Variants in ASPRV1 observed in about 807,000 individuals in gnomAD.
ASPRV1 encodes aspartic peptidase retroviral like 1, also known as retroviral-like aspartic protease 1.
ASPRV1 carries 7 observed loss-of-function variants against 11.0 expected under a neutral mutation model. The observed-to-expected ratio is 0.64, with a 90% CI of 0.36 to 1.20. The LOEUF is 1.20. Ranked by LOEUF, ASPRV1 falls within the 50% of genes most tolerant of loss-of-function variation. The pLI is 0.02. For missense variants in ASPRV1, 299 were observed against 320.0 expected (o/e 0.93, Z 0.50); for synonymous variants, 136 against 138.4 (o/e 0.98, Z 0.12).
chr2:69,954,433 C>T, the ASPRV1 span, among the ~76,000 whole-genome samples: 3 of 152,194 alleles, frequency 2.0e-5, no homozygotes, highest in Non-Finnish European at 4.4e-5. Flanking sequence ...GATACATTTG[C>T]ATCGCAGAGG....
the ASPRV1 span, among the ~76,000 whole-genome samples, chr2:69,946,699 T>C: frequency 6.6e-6 from 1 of 152,158 alleles, no homozygotes; most frequent in South Asian, 2.1e-4. Context: ...AGTGTTCAAA[T>C]ATGTCATTCT....
the ASPRV1 span, among the ~76,000 whole-genome samples, chr2:69,981,839 G>A: frequency 1.2e-4 from 18 of 152,162 alleles, no homozygotes; most frequent in Non-Finnish European, 1.8e-4. Context: ...GATTATAGGC[G>A]TGAGCCACCA....
At chr2:70,052,806 G>A in the ASPRV1 span, among the ~76,000 whole-genome samples, 1 of 152,120 alleles carries the variant, frequency 6.6e-6, no homozygotes, top group Non-Finnish European at 1.5e-5. Flanking sequence ...CACACCTGCA[G>A]GATTTGAAGC....
chr2:70,086,183 G>A, the ASPRV1 span: 2 of 152,118 alleles, frequency 1.3e-5, no homozygotes, highest in Admixed American at 6.6e-5. Flanking sequence ...GAAGGCCCCG[G>A]GGAGGAAGAG....
chr2:69,991,748 G>A, the ASPRV1 span, among the ~76,000 whole-genome samples: 1 of 152,128 alleles, frequency 6.6e-6, no homozygotes, highest in Non-Finnish European at 1.5e-5. Flanking sequence ...GTTTCACCAT[G>A]TTGGCCAGGC....
At chr2:70,034,310 T>C in the ASPRV1 span, among the ~76,000 whole-genome samples, 3 of 151,878 alleles carry the variant, frequency 2.0e-5, no homozygotes, top group Admixed American at 6.5e-5. Flanking sequence ...AAACCCTGCC[T>C]ATAATCCCAG....
At chr2:69,933,313 A>C in the ASPRV1 span, among the ~76,000 whole-genome samples, 2 of 152,148 alleles carry the variant, frequency 1.3e-5, no homozygotes, top group African/African-American at 4.8e-5. Flanking sequence ...AGTGTTTCTA[A>C]TAACATGATC....
downstream of ASPRV1, among the ~76,000 whole-genome samples, chr2:69,958,623 G>A (rs762774221): frequency 3.3e-5 from 5 of 152,214 alleles, no homozygotes; most frequent in Non-Finnish European, 5.9e-5. Context: ...ACGTGGCTGG[G>A]ATCCAAAGGA....
upstream of ASPRV1, among the ~76,000 whole-genome samples, chr2:69,963,760 GGAA>G (rs532322217): frequency 2.4e-4 from 36 of 152,278 alleles, no homozygotes; most frequent in Admixed American, 5.2e-4. Context: ...TAACAACCTG[GGAA>G]GAAGACCAGC....
chr2:70,086,321 T>G, the ASPRV1 span: 1 of 151,662 alleles, frequency 6.6e-6, no homozygotes, highest in East Asian at 1.9e-4. Flanking sequence ...GGAGGCGGAG[T>G]AGCGCCACGT....
the ASPRV1 span, among the ~76,000 whole-genome samples, chr2:69,989,453 A>G: frequency 6.6e-6 from 1 of 152,238 alleles, no homozygotes; most frequent in Admixed American, 6.5e-5. Flanking sequence ...GGGGGGCCTC[A>G]GAGTTCAGGC....
chr2:70,060,551 G>A, the ASPRV1 span, among the ~76,000 whole-genome samples: 18 of 152,126 alleles, frequency 1.2e-4, no homozygotes, highest in Admixed American at 2.6e-4. Flanking sequence ...AGTGGCTTAC[G>A]CCTGTAATCC....
the ASPRV1 span, among the ~76,000 whole-genome samples, chr2:70,044,768 CTTAT>C: frequency 6.6e-6 from 1 of 151,970 alleles, no homozygotes; most frequent in East Asian, 1.9e-4. Context: ...TGAGACACCT[CTTAT>C]TTACTCAGTA....
the ASPRV1 span, among the ~76,000 whole-genome samples, chr2:70,041,543 T>C: frequency 6.6e-5 from 10 of 152,340 alleles, no homozygotes; most frequent in African/African-American, 1.7e-4. Flanking sequence ...AGAAAATTTA[T>C]GTCATACTCA....
the ASPRV1 span, among the ~76,000 whole-genome samples, chr2:70,004,009 C>T: frequency 6.6e-6 from 1 of 152,164 alleles, no homozygotes; most frequent in African/African-American, 2.4e-5. Flanking sequence ...ATTGCCCAGT[C>T]TGTGGTATTC....
the ASPRV1 span, among the ~76,000 whole-genome samples, chr2:69,969,064 T>C: frequency 3.9e-5 from 6 of 152,216 alleles, no homozygotes; most frequent in Admixed American, 3.9e-4. Context: ...TGACCACTTG[T>C]TGCCTTCCTT....
At chr2:69,996,725 CACCATCTACGGAA>C in the ASPRV1 span, 1 of 456,556 alleles carries the variant, frequency 2.2e-6, no homozygotes, top group South Asian at 1.5e-5. Context: ...CAAAGAAAGC[CACCATCTACGGAA>C]ACCATCTACC....
At chr2:70,026,467 CA>C in the ASPRV1 span, among the ~76,000 whole-genome samples, 1 of 149,786 alleles carries the variant, frequency 6.7e-6, no homozygotes, top group Admixed American at 6.6e-5. Flanking sequence ...AAGACTCCAC[CA>C]AAAAACTGTT....
the ASPRV1 span, among the ~76,000 whole-genome samples, chr2:70,033,986 C>A: frequency 6.6e-6 from 1 of 150,998 alleles, no homozygotes; most frequent in Non-Finnish European, 1.5e-5. Flanking sequence ...AACCCCGTCT[C>A]TACTAAAAAT....
Sources: gnomAD v4.1 joint callset for allele counts (sites outside exome capture counted in the v4.1 genomes callset) on GRCh38, gnomAD v4.1.1 for gene constraint, MANE v1.5 for transcripts, NCBI Gene and HGNC (gene_info 2026-07-23, HGNC 2026-07-21) for gene names.